Variants in PRRG4 observed in about 807,000 individuals in gnomAD.
PRRG4 encodes proline rich and Gla domain 4, also known as transmembrane gamma-carboxyglutamic acid protein 4.
In PRRG4, 12 loss-of-function variants were observed where a neutral mutation model predicts 20.0. The observed-to-expected ratio is 0.60, with a 90% CI of 0.38 to 0.97. The LOEUF is 0.97. Among genes scored for constraint, PRRG4 ranks in the 50% least tolerant of loss-of-function variants. The pLI, the probability that PRRG4 is intolerant of heterozygous loss-of-function variation, is 0.00. For synonymous variants in PRRG4, 94 were observed against 96.4 expected (o/e 0.98, Z 0.15); for missense variants, 199 against 265.1 (o/e 0.75, Z 1.73).
At chr11:32,838,772 A>AC in intron 3 of PRRG4, 110 bp from the exon 4 acceptor site, 1 of 735,618 alleles carries the variant, frequency 1.4e-6, no homozygotes, top group South Asian at 1.6e-5. Flanking sequence ...CTGGTCTCCT[A>AC]CCTATGGTGC....
At position 32,856,587 on chromosome 11, in the gene PRRG4, A is replaced by G. The variant is rs901069556; in HGVS notation, c.*3060A>G. 2 of 152,182 alleles carry G rather than the reference A, an allele frequency of 1.3e-5. No homozygotes were observed. Among genetic ancestry groups the G allele is most frequent in the Admixed American group, 6.5e-5 (1 of 15,276 alleles). 9.4% of individuals were successfully genotyped at this position (152,182 alleles called of 1,614,324 possible). A position where few individuals can be genotyped will look rare whatever the true frequency, so the allele number is the denominator to read the frequency against. ...TTTTGTTTGTGTTTTGTCTCCTGGC[A>G]ATTGATTAGTGTTAATCATTAAATC... On this transcript the variant is annotated 3_prime_UTR_variant, in exon 6 of 6. Transcript: ENST00000257836.
chr11:32,841,419 A>T (rs887397138), intron 5 of PRRG4, among the ~76,000 whole-genome samples: 1 of 152,174 alleles, frequency 6.6e-6, no homozygotes, highest in Non-Finnish European at 1.5e-5. Context: ...TAAAGAAATA[A>T]CTGTTCCAAA....
At chr11:32,836,932 C>A (rs1320155989) in intron 3 of PRRG4, 111 bp downstream of exon 3, 2 of 797,454 alleles carry the variant, frequency 2.5e-6, no homozygotes, top group Admixed American at 2.7e-5. Flanking sequence ...GATTATGTAC[C>A]TGCTATCTCT....
At position 32,854,414 on chromosome 11, in the gene PRRG4, C is replaced by T. The variant is rs1256730203; in HGVS notation, c.*887C>T. The stretch of plus-strand genomic sequence containing the variant: ...CTACAAAAATACAAAAGAAATTAGC[C>T]AGACATGATGGCGGGTGCCTCTAAT... On this transcript the variant is annotated 3_prime_UTR_variant, in exon 6 of 6. Transcript: ENST00000257836. The T allele has an allele frequency of 1.3e-5, 2 of 152,058 alleles. No homozygotes were observed. The highest frequency in any genetic ancestry group is 2.4e-5 in the African/African-American group (1 of 41,368). 9.4% of individuals were successfully genotyped at this position (152,058 alleles called of 1,614,324 possible).
chr11:32,830,281 C>G, intron 1 of PRRG4, 108 bp downstream of exon 1: 3 of 924,104 alleles, frequency 3.2e-6, no homozygotes, highest in Non-Finnish European at 4.2e-6. Context: ...CCCGCGGCGA[C>G]AGGTGCCCGA....
At position 32,840,364 on chromosome 11, in the gene PRRG4, G is replaced by A. The variant is rs1017360295; in HGVS notation, c.449+125G>A. On this transcript the variant is annotated intron_variant, in intron 5 of 5. Transcript: ENST00000257836. This position sits in a 1 kb window ranked among gnomAD's most constrained non-coding sequence, Gnocchi z 4.1. Reference sequence around the variant, plus strand: ...CTTTTATTTTGGAAGAATTTTAGATGTATAGGGAAGTTGCAAAGGTTAATA... The same window carrying A: ...CTTTTATTTTGGAAGAATTTTAGATATATAGGGAAGTTGCAAAGGTTAATA... The A allele has an allele frequency of 2.9e-6, 2 of 696,306 alleles. No individual in the cohort carries two copies. The highest frequency in any genetic ancestry group is 4.8e-6 in the Non-Finnish European group (2 of 418,424). The allele number at this position is 696,306 out of a possible 1,614,324, so 43.1% of individuals were successfully genotyped here.
chr11:32,832,031 A>T (rs1850977105), intron 2 of PRRG4, among the ~76,000 whole-genome samples: 1 of 149,908 alleles, frequency 6.7e-6, no homozygotes, highest in African/African-American at 2.4e-5. Context: ...AATAAATAAA[A>T]GACAGTCTCA....
In PRRG4 at chr11:32,839,687, A is replaced by AG. The variant is rs1272378683; in HGVS notation, c.317-420_317-419insG. Among the ~76,000 whole-genome samples the AG allele has an allele frequency of 6.1e-3, 703 of 116,106 alleles. 5 individuals are homozygous for AG. Among genetic ancestry groups the AG allele is most frequent in the Non-Finnish European group, 0.01 (514 of 51,386 alleles). 76.2% of individuals were successfully genotyped at this position (116,106 alleles called of 152,430 possible). On this transcript the variant is annotated intron_variant, in intron 4 of 5. Transcript: ENST00000257836. ...TATATTTTGAATATTATTAAAATAT[A>AG]AGTATTATATTTTGAATATTATTAA...
chr11:32,840,460 A>G lies in PRRG4; in HGVS notation c.449+221A>G, dbSNP rs1374865287. Among the ~76,000 whole-genome samples the G allele has an allele frequency of 6.6e-6, 1 of 152,244 alleles. No homozygotes were observed. Among genetic ancestry groups the G allele is most frequent in the African/African-American group, 2.4e-5 (1 of 41,458 alleles). On this transcript the variant is annotated intron_variant, in intron 5 of 5. Transcript: ENST00000257836. The surrounding 1 kb of genome is among the most constrained non-coding windows in gnomAD (Gnocchi z 4.1). ...TATCTTGTATTACCATAGTAGATTT[A>G]TCAAAACTAAGAAAATGACATTGGT...
chr11:32,852,923 C>T (rs942011721), intron 5 of PRRG4, among the ~76,000 whole-genome samples: 29 of 150,444 alleles, frequency 1.9e-4, no homozygotes, highest in African/African-American at 7.1e-4. Context: ...CAGGCACCCG[C>T]CACCATGCCC....
chr11:32,852,004 G>A (rs778067426), intron 5 of PRRG4, among the ~76,000 whole-genome samples: 4 of 152,186 alleles, frequency 2.6e-5, no homozygotes, highest in Non-Finnish European at 4.4e-5. Context: ...CTTCACAAGT[G>A]AGAAAGGAAA....
chr11:32,852,268 A>C (rs1382557963), intron 5 of PRRG4, among the ~76,000 whole-genome samples: 1 of 152,230 alleles, frequency 6.6e-6, no homozygotes, highest in Admixed American at 6.5e-5. Flanking sequence ...GTAAAAAATA[A>C]GGTGTGGCTG....
At chr11:32,830,806 T>G (rs970533858) in intron 2 of PRRG4, among the ~76,000 whole-genome samples, 174 bp downstream of exon 2, 15 of 152,194 alleles carry the variant, frequency 9.9e-5, no homozygotes, top group African/African-American at 3.1e-4. Context: ...TAACTGCAAT[T>G]TATAGAATTT....
intron 1 of PRRG4, 89 bp from the exon 2 acceptor site, chr11:32,830,419 T>A (rs904758150): frequency 1.4e-5 from 15 of 1,110,870 alleles, no homozygotes; most frequent in Non-Finnish European, 1.7e-5. Flanking sequence ...AGGCTTTGAG[T>A]ACAACAGGTT....
chr11:32,844,905 CTA>C (rs1397850652), intron 5 of PRRG4, among the ~76,000 whole-genome samples: 30 of 152,034 alleles, frequency 2.0e-4, no homozygotes, highest in Non-Finnish European at 8.8e-5. Context: ...AAAAATATGT[CTA>C]GACTGTAAAT....
At chr11:32,833,396 G>A (rs1228026396) in intron 2 of PRRG4, among the ~76,000 whole-genome samples, 2 of 152,082 alleles carry the variant, frequency 1.3e-5, no homozygotes, top group East Asian at 3.8e-4. Flanking sequence ...GAGTTCCATG[G>A]GGTTGTATTT....
chr11:32,850,986 TC>T (rs1400595344), intron 5 of PRRG4, among the ~76,000 whole-genome samples: 1 of 152,138 alleles, frequency 6.6e-6, no homozygotes, highest in African/African-American at 2.4e-5. Flanking sequence ...GGCAAGAGAA[TC>T]ACTTGAACCT....
At position 32,857,726 on chromosome 11, in the gene PRRG4, A is replaced by C. The variant is rs1263453185; in HGVS notation, c.*4199A>C. ...TTTTGTTTTAATTGAATGTGAATTA[A>C]ATTTTTATTAGTTATTTGATTTGGA... On this transcript the variant is annotated 3_prime_UTR_variant, in exon 6 of 6. Coordinates refer to ENST00000257836, the MANE Select transcript of PRRG4 (RefSeq NM_024081.6). 2 of 152,184 alleles carry C rather than the reference A, an allele frequency of 1.3e-5. No homozygotes were observed. The highest frequency in any genetic ancestry group is 2.9e-5 in the Non-Finnish European group (2 of 68,032). 9.4% of individuals were successfully genotyped at this position (152,184 alleles called of 1,614,324 possible).
At chr11:32,835,315 T>C (rs1387004031) in intron 2 of PRRG4, among the ~76,000 whole-genome samples, 1 of 152,240 alleles carries the variant, frequency 6.6e-6, no homozygotes, top group Admixed American at 6.5e-5. Flanking sequence ...CAGACCATGA[T>C]CTCTCATGAA....
Sources: gnomAD v4.1 joint callset for allele counts (sites outside exome capture counted in the v4.1 genomes callset) on GRCh38, gnomAD v4.1.1 for gene constraint, Gnocchi (gnomAD v3.1) non-coding constraint, MANE v1.5 for transcripts, NCBI Gene and HGNC (gene_info 2026-07-23, HGNC 2026-07-21) for gene names.